The following NDUFA8 variants were observed in gnomAD, a reference collection of about 807,000 sequenced individuals.
NDUFA8 encodes NADH dehydrogenase [ubiquinone] 1 alpha subcomplex subunit 8.
Under a neutral mutation model 20.9 loss-of-function variants are expected in NDUFA8, and 16 were observed. The observed-to-expected ratio is 0.77, with a 90% confidence interval of 0.52 to 1.16. The LOEUF is 1.16. Ranked by LOEUF, NDUFA8 falls within the 50% of genes most tolerant of loss-of-function variation. The probability of loss-of-function intolerance (pLI) is 0.00; values close to 1 mark genes in which losing one functional copy is unlikely to be tolerated. For missense variants in NDUFA8, 202 were observed against 216.4 expected, an observed-to-expected ratio of 0.93 and a Z score of 0.42; for synonymous variants, 70 against 76.1, an observed-to-expected ratio of 0.92 and a Z score of 0.41.
chr9:122,149,926 C>T (rs780036246), intron 2 of NDUFA8, among the ~76,000 whole-genome samples: 4 of 151,968 alleles, frequency 2.6e-5, no homozygotes, highest in East Asian at 1.9e-4. Context: ...CACAGCACTA[C>T]AGCCTGGGTG....
downstream of NDUFA8, among the ~76,000 whole-genome samples, chr9:122,143,786 G>C (rs1453996220): frequency 6.6e-6 from 1 of 152,206 alleles, no homozygotes; most frequent in African/African-American, 2.4e-5. Context: ...ATGACCTTTA[G>C]AGAAATCTAT....
intron 2 of NDUFA8, among the ~76,000 whole-genome samples, chr9:122,149,040 T>C (rs1208119269): frequency 6.6e-6 from 1 of 152,202 alleles, no homozygotes; most frequent in East Asian, 1.9e-4. Flanking sequence ...CAAGCAAGAA[T>C]AAAATATCAT....
intron 1 of NDUFA8, 130 bp downstream of exon 1, chr9:122,159,497 C>T: frequency 9.0e-7 from 1 of 1,116,858 alleles, no homozygotes; most frequent in Non-Finnish European, 1.4e-6. Flanking sequence ...GGGGGTCGAC[C>T]TGTATATGCG....
chr9:122,138,759 G>T, the NDUFA8 span, among the ~76,000 whole-genome samples: 1 of 151,602 alleles, frequency 6.6e-6, no homozygotes, highest in Non-Finnish European at 1.5e-5. Flanking sequence ...CTTCTAACAC[G>T]GAGGAAGAGG....
At chr9:122,143,241 A>G (rs920610946), downstream of NDUFA8, among the ~76,000 whole-genome samples, 1 of 152,172 alleles carries the variant, frequency 6.6e-6, no homozygotes, top group Non-Finnish European at 1.5e-5. Context: ...AGAGTGCCGC[A>G]AAGAGGTAAC....
chr9:122,134,962 G>A, the NDUFA8 span, among the ~76,000 whole-genome samples: 8 of 152,202 alleles, frequency 5.3e-5, no homozygotes, highest in Non-Finnish European at 7.3e-5. Flanking sequence ...GCTGCACAAC[G>A]GGTTCAAGCT....
chr9:122,135,787 C>T, the NDUFA8 span, among the ~76,000 whole-genome samples: 140 of 152,256 alleles, frequency 9.2e-4, 1 homozygote, highest in Admixed American at 9.2e-4. Flanking sequence ...TGGGGTTTCA[C>T]CATGTTGCCC....
the NDUFA8 span, chr9:122,132,879 C>T: frequency 1.0e-4 from 47 of 455,390 alleles, no homozygotes; most frequent in African/African-American, 6.6e-4. Context: ...ATAGAAGTGT[C>T]GTTGTTCTCC....
downstream of NDUFA8, chr9:122,144,004 G>A (rs935588645): frequency 4.7e-6 from 6 of 1,274,770 alleles, no homozygotes; most frequent in Non-Finnish European, 5.1e-6. Flanking sequence ...AAAAGCAAGG[G>A]GAAGTCATCT....
intron 2 of NDUFA8, 103 bp downstream of exon 2, chr9:122,152,134 TTCAAAGCC>T (rs1214194175): frequency 7.9e-7 from 1 of 1,269,010 alleles, no homozygotes; most frequent in Admixed American, 1.8e-5. Flanking sequence ...TTGGTCTGAT[TTCAAAGCC>T]TATGTACTTC....
chr9:122,147,065 C>T (rs1034675019), intron 3 of NDUFA8, among the ~76,000 whole-genome samples: 5 of 152,178 alleles, frequency 3.3e-5, no homozygotes, highest in African/African-American at 1.2e-4. Context: ...AACACAGTGA[C>T]ATAAGATTTG....
chr9:122,140,757 C>A (rs904255314), downstream of NDUFA8, among the ~76,000 whole-genome samples: 1 of 152,196 alleles, frequency 6.6e-6, no homozygotes, highest in Non-Finnish European at 1.5e-5. Flanking sequence ...GTGTGTAACT[C>A]ACTATATACT....
downstream of NDUFA8, among the ~76,000 whole-genome samples, chr9:122,141,494 G>A (rs1446968527): frequency 6.6e-6 from 1 of 152,232 alleles, no homozygotes; most frequent in Non-Finnish European, 1.5e-5. Context: ...GGAACTTGGA[G>A]TAAACCGAAG....
chr9:122,141,414 G>A (rs1199183359), downstream of NDUFA8, among the ~76,000 whole-genome samples: 1 of 152,212 alleles, frequency 6.6e-6, no homozygotes, highest in Admixed American at 6.5e-5. Flanking sequence ...GAAAGTGACA[G>A]TGAGATAAAA....
In NDUFA8 at chr9:122,159,626, C is replaced by G; in HGVS notation, c.51+1G>C. The G allele has an allele frequency of 1.9e-6, 3 of 1,614,164 alleles. No homozygotes were observed. Among genetic ancestry groups the G allele is most frequent in the Non-Finnish European group, 2.5e-6 (3 of 1,179,994 alleles). On this transcript the variant is annotated splice_donor_variant, in intron 1 of 3. Coordinates refer to ENST00000373768, the MANE Select transcript of NDUFA8 (RefSeq NM_014222.3). LOFTEE classifies it high-confidence loss of function. Reference sequence around the variant, plus strand: ...CTTGCCTGTCCTCCGGATAGCCTCACCTCATCTACTTTCAGCTCCTCTAGA... The same window carrying G: ...CTTGCCTGTCCTCCGGATAGCCTCAGCTCATCTACTTTCAGCTCCTCTAGA...
the NDUFA8 span, among the ~76,000 whole-genome samples, chr9:122,138,310 A>G: frequency 1.3e-5 from 2 of 152,188 alleles, no homozygotes; most frequent in Non-Finnish European, 2.9e-5. Flanking sequence ...TATTTCTTGC[A>G]TGTAATTTAT....
chr9:122,135,396 G>A, the NDUFA8 span, among the ~76,000 whole-genome samples: 1 of 152,234 alleles, frequency 6.6e-6, no homozygotes, highest in Non-Finnish European at 1.5e-5. Context: ...ACTGTCTCAT[G>A]AGTCACCAGA....
rs906137564 is a variant in NDUFA8 at position 122,152,523 on chromosome 9, T to C, written c.52-115A>G. 6 of 991,502 alleles carry C rather than the reference T, an allele frequency of 6.1e-6. No individual in the cohort carries two copies. In the African/African-American group the frequency reaches 9.8e-5, roughly 16 times the overall value. The allele number at this position is 991,502 out of a possible 1,614,324, so 61.4% of individuals were successfully genotyped here. A position where few individuals can be genotyped will look rare whatever the true frequency, so the allele number is the denominator to read the frequency against. Reference sequence around the variant, plus strand: ...CACAAAAGTAGCACTGTTCTGACTTTACCAAGAAAATTAAACACTGTCATA... The same window carrying C: ...CACAAAAGTAGCACTGTTCTGACTTCACCAAGAAAATTAAACACTGTCATA... On this transcript the variant is annotated intron_variant, in intron 1 of 3. Transcript: ENST00000373768.
downstream of NDUFA8, among the ~76,000 whole-genome samples, chr9:122,143,715 T>C (rs1253688153): frequency 6.6e-6 from 1 of 152,220 alleles, no homozygotes; most frequent in Non-Finnish European, 1.5e-5. Context: ...TAGGGGCCCC[T>C]CCCATTCCGA....
Sources: gnomAD v4.1 joint callset for allele counts (sites outside exome capture counted in the v4.1 genomes callset) on GRCh38, gnomAD v4.1.1 for gene constraint, MANE v1.5 for transcripts, NCBI Gene and HGNC (gene_info 2026-07-23, HGNC 2026-07-21) for gene names.